The following BCAS3 variants were observed in gnomAD, a reference collection of about 807,000 sequenced individuals.
BCAS3 encodes BCAS3 microtubule associated cell migration factor.
Under a neutral mutation model 116.1 loss-of-function variants are expected in BCAS3, and 53 were observed. The observed-to-expected ratio is 0.46, with a 90% CI of 0.37 to 0.57. The LOEUF (loss-of-function observed/expected upper bound fraction) is 0.57, where lower values mean the gene tolerates loss of function less well. Among genes scored for constraint, BCAS3 ranks in the 20% least tolerant of loss-of-function variants. The pLI is 0.00. For synonymous variants in BCAS3, 391 were observed against 408.2 expected, an observed-to-expected ratio of 0.96 and a Z score of 0.51; for missense variants, 917 against 1,165.4, an observed-to-expected ratio of 0.79 and a Z score of 3.10.
At chr17:61,289,506 C>T (rs1055118037) in intron 22 of BCAS3, among the ~76,000 whole-genome samples, 1 of 152,142 alleles carries the variant, frequency 6.6e-6, no homozygotes, top group African/African-American at 2.4e-5. Context: ...TTTGAGCAGG[C>T]AGGCTGGCCA....
rs930340009 is a variant in BCAS3 at position 60,956,940 on chromosome 17, G to A, written c.1221+9588G>A. Among the ~76,000 whole-genome samples, 16 of 151,994 alleles carry A rather than the reference G, an allele frequency of 1.1e-4. No homozygotes were observed. Among genetic ancestry groups the A allele is most frequent in the African/African-American group, 3.1e-4 (13 of 41,378 alleles). The stretch of plus-strand genomic sequence containing the variant: ...TCTGGATTCTTCCAAGAACTCTGAC[G>A]GTACTTTAATCAGGCAAGGAAAAAA... On this transcript the variant is annotated intron_variant, in intron 14 of 23. Transcript: ENST00000407086. This position sits in a 1 kb window ranked among gnomAD's most constrained non-coding sequence, Gnocchi z 4.2.
chr17:60,700,907 A>G (rs781006690), intron 4 of BCAS3, among the ~76,000 whole-genome samples: 37 of 152,242 alleles, frequency 2.4e-4, no homozygotes, highest in Non-Finnish European at 4.3e-4. Flanking sequence ...GATGAAAAAT[A>G]ATGACAGTTG....
At chr17:60,788,010 G>T (rs1012973761) in intron 6 of BCAS3, among the ~76,000 whole-genome samples, 1 of 151,690 alleles carries the variant, frequency 6.6e-6, no homozygotes, top group African/African-American at 2.4e-5. Context: ...TATAAAGTTT[G>T]AGTTCTCATA....
At chr17:60,928,353 A>G (rs983486029) in intron 13 of BCAS3, among the ~76,000 whole-genome samples, 1 of 152,242 alleles carries the variant, frequency 6.6e-6, no homozygotes, top group Non-Finnish European at 1.5e-5. Context: ...TATTATTTGA[A>G]TGAAAGAGGC....
chr17:61,320,763 C>T (rs1321997810), intron 22 of BCAS3, among the ~76,000 whole-genome samples: 1 of 151,864 alleles, frequency 6.6e-6, no homozygotes, highest in African/African-American at 2.4e-5. Context: ...ACCTACTTTA[C>T]CCAGAGGGTA....
At position 60,969,508 on chromosome 17, in the gene BCAS3, A is replaced by G. The variant is rs540066844; in HGVS notation, c.1222-20463A>G. ...AGATCACTAGAAATTTCCAAACCAAATGAGTGAAAAAATAGAAAATAAGTA... is the reference window on the plus strand; with the variant it reads ...AGATCACTAGAAATTTCCAAACCAAGTGAGTGAAAAAATAGAAAATAAGTA... On this transcript the variant is annotated intron_variant, in intron 14 of 23. Coordinates refer to ENST00000407086, the MANE Select transcript of BCAS3 (RefSeq NM_017679.5). 2.6e-5 allele frequency among the ~76,000 whole-genome samples: 4 copies of G among 152,288 alleles called. No individual in the cohort carries two copies. In the South Asian group the frequency reaches 8.3e-4, roughly 32 times the overall value.
At chr17:61,284,998 T>C (rs2051612793) in intron 22 of BCAS3, among the ~76,000 whole-genome samples, 1 of 152,240 alleles carries the variant, frequency 6.6e-6, no homozygotes, top group Non-Finnish European at 1.5e-5. Context: ...CTGGTTCTCC[T>C]GTCTGTAGGC....
chr17:60,786,376 G>A (rs571105099), intron 6 of BCAS3, among the ~76,000 whole-genome samples: 35 of 151,994 alleles, frequency 2.3e-4, no homozygotes, highest in African/African-American at 8.2e-4. Context: ...TATTGTTTTA[G>A]CTGGGCATGG....
rs1170496124 is a variant in BCAS3, at chr17:60,990,088, A to G, written c.1339A>G (p.Met447Val). Residue 447 changes from methionine (M) to valine (V), a missense_variant, in exon 15 of 24, where the codon ATG (methionine) becomes GTG (valine). Physicochemically the swap from Met to Val is conservative, Grantham distance 21 (BLOSUM62 1). Transcript: ENST00000407086. The surrounding 1 kb of genome is among the most constrained non-coding windows in gnomAD (Gnocchi z 5.1). ...YGGQPCVRTHMSPRVVNRMSR... is the reference protein window; with the variant it reads ...YGGQPCVRTHVSPRVVNRMSR... ...TGGCCAGCCTTGTGTTCGTACACAT[A>G]TGTCACCACGAGTAGTGAATCGCAT... is the stretch of plus-strand genomic sequence containing the variant. The G allele has an allele frequency of 3.7e-6, 6 of 1,614,190 alleles. No individual in the cohort carries two copies. The highest frequency in any genetic ancestry group is 5.1e-6 in the Non-Finnish European group (6 of 1,180,044).
chr17:61,190,864 A>C (rs1262512925), intron 22 of BCAS3, among the ~76,000 whole-genome samples: 1 of 152,072 alleles, frequency 6.6e-6, no homozygotes, highest in African/African-American at 2.4e-5. Context: ...CAGCCTCCCA[A>C]AGTGCTTGGA....
intron 22 of BCAS3, among the ~76,000 whole-genome samples, chr17:61,317,564 T>A (rs1481250033): frequency 2.0e-5 from 3 of 152,114 alleles, no homozygotes; most frequent in Admixed American, 6.5e-5. Context: ...GAGGTCACTC[T>A]AGGAGAGGGC....
At chr17:60,782,561 G>GA (rs1056126330) in intron 6 of BCAS3, among the ~76,000 whole-genome samples, 3 of 142,462 alleles carry the variant, frequency 2.1e-5, no homozygotes, top group East Asian at 2.0e-4. Context: ...GTCTTTATAA[G>GA]TTATTATTAT....
intron 19 of BCAS3, among the ~76,000 whole-genome samples, chr17:61,064,878 G>A (rs951918948): frequency 6.6e-6 from 1 of 152,112 alleles, no homozygotes. Flanking sequence ...TCCCCTTTAT[G>A]TATTGTTGTT....
chr17:61,338,888 G>A (rs201997516), intron 22 of BCAS3, among the ~76,000 whole-genome samples: 1,753 of 67,228 alleles, frequency 0.026, 43 homozygotes, highest in African/African-American at 0.074. Flanking sequence ...CCCTTACTGG[G>A]AAAAAAAAAA....
rs1235256467 is a variant in BCAS3 at position 61,144,979 on chromosome 17, TTC to T, written c.2425+60417_2425+60418del. Among the ~76,000 whole-genome samples, 11 of 152,344 alleles carry T rather than the reference TTC, an allele frequency of 7.2e-5. No homozygotes were observed. The East Asian group carries it at 2.1e-3, about 29-fold the overall frequency. On this transcript the variant is annotated intron_variant, in intron 22 of 23. Transcript: ENST00000407086. The surrounding 1 kb of genome is among the most constrained non-coding windows in gnomAD (Gnocchi z 5.0). ...AATATAAAAGTGCTTAAAATTTTCT[TTC>T]TGTTTCCTTATCAGAAATATTCATT... is the stretch of plus-strand genomic sequence containing the variant.
intron 14 of BCAS3, among the ~76,000 whole-genome samples, chr17:60,965,422 A>G (rs549651049): frequency 6.6e-6 from 1 of 152,028 alleles, no homozygotes; most frequent in Non-Finnish European, 1.5e-5. Context: ...GAGTTTCACC[A>G]TGTTGGCCAG....
rs2082829822 is a variant in BCAS3, at chr17:61,233,733, T to C, written c.2426-134594T>C. On this transcript the variant is annotated intron_variant, in intron 22 of 23. Transcript: ENST00000407086. This position sits in a 1 kb window ranked among gnomAD's most constrained non-coding sequence, Gnocchi z 4.3. ...CTCTTCGTCAAACCTCCCTTCTCAATTCACCTTCCTAAGCACAGAACTCTT... is the reference window on the plus strand; with the variant it reads ...CTCTTCGTCAAACCTCCCTTCTCAACTCACCTTCCTAAGCACAGAACTCTT... Among the ~76,000 whole-genome samples, 1 of 152,212 alleles carries C rather than the reference T, an allele frequency of 6.6e-6. No homozygotes were observed. The highest frequency in any genetic ancestry group is 1.9e-4 in the East Asian group (1 of 5,198).
chr17:61,046,253 A>G (rs955154525), intron 19 of BCAS3, among the ~76,000 whole-genome samples: 17 of 144,102 alleles, frequency 1.2e-4, no homozygotes, highest in Admixed American at 7.4e-4. Flanking sequence ...AGCCATTTGT[A>G]AGGATATTAT....
At chr17:61,270,294 A>T (rs2050135756) in intron 22 of BCAS3, among the ~76,000 whole-genome samples, 1 of 145,656 alleles carries the variant, frequency 6.9e-6, no homozygotes. Context: ...TAATTTTTGT[A>T]TTTTTTTTAG....
Sources: allele counts gnomAD v4.1 joint callset (sites outside exome capture counted in the v4.1 genomes callset), GRCh38; gene constraint gnomAD v4.1.1; non-coding constraint Gnocchi (gnomAD v3.1); transcripts MANE v1.5; gene names NCBI Gene and HGNC (gene_info 2026-07-23, HGNC 2026-07-21).